The following TBCK variants were observed in gnomAD, a reference collection of about 807,000 sequenced individuals.
TBCK encodes TBC domain-containing protein kinase-like protein.
A neutral mutation model predicts 113.4 loss-of-function variants in TBCK; 99 were observed. The ratio of observed to expected loss-of-function variants is 0.87; its 90% CI spans 0.74 to 1.03. TBCK has a LOEUF of 1.03. Ranked by LOEUF, TBCK falls within the 50% of genes least tolerant of loss-of-function variation. TBCK has a pLI of 0.00. For synonymous variants in TBCK, 369 were observed against 370.8 expected (o/e 1.00, Z 0.05); for missense variants, 1,045 against 1,061.3 (o/e 0.98, Z 0.21).
chr4:106,179,850 T>A (rs1408457765), intron 22 of TBCK, among the ~76,000 whole-genome samples: 1 of 152,042 alleles, frequency 6.6e-6, no homozygotes, highest in Non-Finnish European at 1.5e-5. Flanking sequence ...TGAGTCCCCT[T>A]CTATTATAAC....
chr4:106,086,460 A>C (rs901958105), intron 25 of TBCK, among the ~76,000 whole-genome samples: 1 of 152,228 alleles, frequency 6.6e-6, no homozygotes, highest in Non-Finnish European at 1.5e-5. Context: ...AACCAAAAAA[A>C]GCCCAGGACC....
intron 19 of TBCK, among the ~76,000 whole-genome samples, chr4:106,214,419 G>C (rs1317701490): frequency 6.6e-6 from 1 of 152,060 alleles, no homozygotes; most frequent in East Asian, 1.9e-4. Context: ...ATTACTCTGA[G>C]CTACGGGAGG....
intron 23 of TBCK, among the ~76,000 whole-genome samples, chr4:106,162,612 A>G (rs1749922032): frequency 6.6e-6 from 1 of 152,088 alleles, no homozygotes; most frequent in Non-Finnish European, 1.5e-5. Context: ...GAGGTTCTCA[A>G]ACCTCGATTT....
At chr4:106,120,809 C>CAT (rs1419251360) in intron 23 of TBCK, among the ~76,000 whole-genome samples, 1 of 152,136 alleles carries the variant, frequency 6.6e-6, no homozygotes, top group African/African-American at 2.4e-5. Context: ...ACCAAAAACC[C>CAT]ATCTGTACAT....
chr4:106,244,616 C>G lies in TBCK; in HGVS notation c.1070+10G>C, dbSNP rs759791904. Reference sequence around the variant, plus strand: ...TTATTTAAATTCCCAAGAGAAGTTTCTTTCCTTACTTGGGGAGTGTGCAGA... The same window carrying G: ...TTATTTAAATTCCCAAGAGAAGTTTGTTTCCTTACTTGGGGAGTGTGCAGA... On this transcript the variant is annotated intron_variant, in intron 11 of 25. Coordinates refer to ENST00000394708, the MANE Select transcript of TBCK (RefSeq NM_001163435.3). 1.4e-5 allele frequency: 21 copies of G among 1,551,684 alleles called. No individual in the cohort carries two copies. Among genetic ancestry groups the G allele is most frequent in the Non-Finnish European group, 1.8e-5 (21 of 1,156,360 alleles).
intron 20 of TBCK, among the ~76,000 whole-genome samples, chr4:106,201,847 A>G (rs1439748011): frequency 1.3e-5 from 2 of 152,072 alleles, no homozygotes; most frequent in African/African-American, 4.8e-5. Context: ...AAGTATTTTC[A>G]TATTTAAATT....
At chr4:106,121,499 G>A (rs1441448770) in intron 23 of TBCK, among the ~76,000 whole-genome samples, 1 of 150,250 alleles carries the variant, frequency 6.7e-6, no homozygotes, top group Non-Finnish European at 1.5e-5. Flanking sequence ...CCCAGGAATT[G>A]AACTCAGCTC....
chr4:106,178,159 T>C (rs1751908845), intron 22 of TBCK, among the ~76,000 whole-genome samples: 1 of 152,020 alleles, frequency 6.6e-6, no homozygotes, highest in African/African-American at 2.4e-5. Context: ...CTACTGATTT[T>C]TATATGTTGA....
chr4:106,159,980 G>A (rs535718177), intron 23 of TBCK, among the ~76,000 whole-genome samples: 2 of 152,052 alleles, frequency 1.3e-5, no homozygotes, highest in South Asian at 4.1e-4. Flanking sequence ...CCTATATATG[G>A]TCAAATAAGT....
At chr4:106,181,145 TG>T in intron 22 of TBCK, among the ~76,000 whole-genome samples, 1 of 152,334 alleles carries the variant, frequency 6.6e-6, no homozygotes, top group African/African-American at 2.4e-5. Context: ...TTCATATGTC[TG>T]TTGGCTGCAT....
intron 25 of TBCK, among the ~76,000 whole-genome samples, chr4:106,079,948 A>C (rs1738663032): frequency 6.6e-6 from 1 of 152,114 alleles, no homozygotes; most frequent in South Asian, 2.1e-4. Context: ...ATCTTCTAAG[A>C]ACTCACTATC....
intron 23 of TBCK, among the ~76,000 whole-genome samples, chr4:106,156,020 G>A (rs1484069695): frequency 1.3e-5 from 2 of 152,074 alleles, no homozygotes; most frequent in African/African-American, 4.8e-5. Flanking sequence ...ATTTGAACCT[G>A]TATTTCCTGC....
chr4:106,148,662 G>A (rs965759066), intron 23 of TBCK, among the ~76,000 whole-genome samples: 1 of 152,190 alleles, frequency 6.6e-6, no homozygotes, highest in Non-Finnish European at 1.5e-5. Flanking sequence ...AAACCACACT[G>A]TAAACAGGTG....
chr4:106,237,548 T>C (rs943398300), intron 12 of TBCK: 3 of 455,492 alleles, frequency 6.6e-6, no homozygotes, highest in South Asian at 4.7e-5. Context: ...CCTATGGGGA[T>C]TGACATAGAA....
chr4:106,303,532 C>T (rs1767177810), intron 2 of TBCK, among the ~76,000 whole-genome samples: 1 of 152,078 alleles, frequency 6.6e-6, no homozygotes, highest in African/African-American at 2.4e-5. Context: ...TAGATGTTTA[C>T]TATAGACTAA....
intron 15 of TBCK, among the ~76,000 whole-genome samples, chr4:106,234,932 A>T (rs1759280382): frequency 6.6e-6 from 1 of 152,122 alleles, no homozygotes; most frequent in Non-Finnish European, 1.5e-5. Flanking sequence ...CCATTTATAA[A>T]CAATCATATT....
chr4:106,286,286 A>G (rs913057043), intron 3 of TBCK, among the ~76,000 whole-genome samples: 3 of 152,222 alleles, frequency 2.0e-5, no homozygotes, highest in Non-Finnish European at 2.9e-5. Flanking sequence ...AATCCTACTC[A>G]TGTTAATATA....
Position 106,092,500 on chromosome 4 carries a change from G to T in TBCK, c.2571+2982C>A, listed in dbSNP as rs372701172. On this transcript the variant is annotated intron_variant, in intron 25 of 25. Transcript: ENST00000394708. ...CCGGGCAGGAGCCCACGGTGGGTTG[G>T]GGGGAGGCTCAGGCATGGTGGGCTG... is the stretch of plus-strand genomic sequence containing the variant. Among the ~76,000 whole-genome samples the T allele has an allele frequency of 4.7e-4, 71 of 152,346 alleles. 2 individuals carry two copies. In the East Asian group the frequency reaches 5.4e-3, roughly 12 times the overall value.
At chr4:106,293,128 T>C (rs148924274) in intron 3 of TBCK, among the ~76,000 whole-genome samples, 16 of 152,302 alleles carry the variant, frequency 1.1e-4, no homozygotes, top group Admixed American at 7.2e-4. Flanking sequence ...ACCAGGTGAA[T>C]TGACTTCATC....
Sources: gnomAD v4.1 joint callset for allele counts (sites outside exome capture counted in the v4.1 genomes callset) on GRCh38, gnomAD v4.1.1 for gene constraint, MANE v1.5 for transcripts, NCBI Gene and HGNC (gene_info 2026-07-23, HGNC 2026-07-21) for gene names.